ARHGAP42: variants seen among roughly 807,000 people sequenced by gnomAD.
ARHGAP42 encodes the protein rho GTPase-activating protein 42.
A neutral mutation model predicts 125.0 loss-of-function variants in ARHGAP42; 63 were observed. That is an observed-to-expected ratio of 0.50 (90% confidence interval 0.41 to 0.62). ARHGAP42 has a LOEUF of 0.62. Ranked by LOEUF, ARHGAP42 falls within the 20% of genes least tolerant of loss-of-function variation. The pLI, the probability that ARHGAP42 is intolerant of heterozygous loss-of-function variation, is 0.00. For synonymous variants in ARHGAP42, 339 were observed against 351.0 expected (o/e 0.97, Z 0.38); for missense variants, 766 against 1,024.2 (o/e 0.75, Z 3.44).
intron 4 of ARHGAP42, among the ~76,000 whole-genome samples, chr11:100,864,187 A>ATTT (rs77883167): frequency 1.4e-5 from 2 of 141,166 alleles, no homozygotes; most frequent in East Asian, 2.1e-4. Context: ...ATGTCTGAGG[A>ATTT]TTTTTTTTTT....
At chr11:100,858,945 G>C (rs897477585) in intron 3 of ARHGAP42, among the ~76,000 whole-genome samples, 2 of 152,012 alleles carry the variant, frequency 1.3e-5, no homozygotes, top group African/African-American at 4.8e-5. Context: ...AATATTAAAA[G>C]ATTTATTTGT....
intron 1 of ARHGAP42, among the ~76,000 whole-genome samples, chr11:100,754,603 C>T (rs934244623): frequency 6.6e-6 from 1 of 152,114 alleles, no homozygotes; most frequent in Admixed American, 6.5e-5. Context: ...AAGTAGAAAA[C>T]ATTAATTTCT....
intron 4 of ARHGAP42, among the ~76,000 whole-genome samples, chr11:100,908,268 T>G (rs1157884077): frequency 2.0e-5 from 3 of 152,222 alleles, no homozygotes; most frequent in Non-Finnish European, 4.4e-5. Context: ...CTTTGGTACT[T>G]GCTTGTCATC....
intron 15 of ARHGAP42, among the ~76,000 whole-genome samples, chr11:100,962,179 A>G (rs1485265499): frequency 6.6e-6 from 1 of 152,112 alleles, no homozygotes; most frequent in Non-Finnish European, 1.5e-5. Context: ...ACAGTCATGG[A>G]AAGAAGTACA....
chr11:100,911,393 T>TAA lies in ARHGAP42; in HGVS notation c.385-2058_385-2057dup, dbSNP rs140327667. Among the ~76,000 whole-genome samples, 1,254 of 152,258 alleles carry TAA rather than the reference T, an allele frequency of 8.2e-3. 13 individuals are homozygous for TAA. The highest frequency in any genetic ancestry group is 0.029 in the African/African-American group (1,199 of 41,542). On this transcript the variant is annotated intron_variant, in intron 4 of 23. Coordinates refer to ENST00000298815, the MANE Select transcript of ARHGAP42 (RefSeq NM_152432.4). Reference sequence around the variant, plus strand: ...GAACCCTAGTAGAGACCCATATATATAACTATATGAGCATTCAAAAAGGAG... The same window carrying TAA: ...GAACCCTAGTAGAGACCCATATATATAAAACTATATGAGCATTCAAAAAGGAG...
chr11:100,975,147 A>T (rs1407165132), intron 19 of ARHGAP42, among the ~76,000 whole-genome samples: 1 of 152,022 alleles, frequency 6.6e-6, no homozygotes, highest in Admixed American at 6.6e-5. Flanking sequence ...CCCCACCCCA[A>T]TTTTTTGCTC....
chr11:100,959,170 T>C (rs1195691934), intron 12 of ARHGAP42, among the ~76,000 whole-genome samples: 1 of 152,056 alleles, frequency 6.6e-6, no homozygotes, highest in Non-Finnish European at 1.5e-5. Flanking sequence ...ATAAATGCTT[T>C]CTCTTTAAAT....
chr11:100,829,351 C>A (rs1299865547), intron 3 of ARHGAP42, among the ~76,000 whole-genome samples: 4 of 149,538 alleles, frequency 2.7e-5, no homozygotes, highest in African/African-American at 5.0e-5. Flanking sequence ...GAGAGCAAGA[C>A]CCTGTCTTCA....
At chr11:100,728,883 C>G (rs1452187683) in intron 1 of ARHGAP42, among the ~76,000 whole-genome samples, 1 of 151,870 alleles carries the variant, frequency 6.6e-6, no homozygotes, top group East Asian at 1.9e-4. Context: ...GTTCTTCTGT[C>G]TCAGCTTCCT....
chr11:100,972,175 T>G (rs1031604567), intron 17 of ARHGAP42, among the ~76,000 whole-genome samples: 9 of 152,172 alleles, frequency 5.9e-5, no homozygotes, highest in Non-Finnish European at 1.2e-4. Flanking sequence ...AATCTTACTT[T>G]TGGTTGTAGA....
At chr11:100,721,923 G>T (rs549206796) in intron 1 of ARHGAP42, among the ~76,000 whole-genome samples, 1 of 152,326 alleles carries the variant, frequency 6.6e-6, no homozygotes, top group East Asian at 1.9e-4. Context: ...AGCAGATTTT[G>T]TTTGGACATA....
chr11:100,871,262 C>G (rs933106383), intron 4 of ARHGAP42, among the ~76,000 whole-genome samples: 13 of 152,018 alleles, frequency 8.6e-5, no homozygotes, highest in African/African-American at 3.1e-4. Flanking sequence ...TTAACTAAAA[C>G]CAGCCAGGCA....
intron 2 of ARHGAP42, among the ~76,000 whole-genome samples, chr11:100,774,728 T>A (rs1170360118): frequency 7.3e-6 from 1 of 137,470 alleles, no homozygotes; most frequent in Non-Finnish European, 1.6e-5. Context: ...GAGAAGGTGG[T>A]GTTATTCTAT....
intron 1 of ARHGAP42, among the ~76,000 whole-genome samples, chr11:100,726,244 A>G (rs1418132506): frequency 1.3e-5 from 2 of 152,220 alleles, no homozygotes; most frequent in Non-Finnish European, 2.9e-5. Context: ...TTCAGAAAGT[A>G]ATCCCCAAGT....
intron 4 of ARHGAP42, among the ~76,000 whole-genome samples, chr11:100,895,215 T>TA (rs1453861246): frequency 6.6e-6 from 1 of 152,114 alleles, no homozygotes; most frequent in Admixed American, 6.5e-5. Flanking sequence ...CAGAATTGGC[T>TA]AAACATCATT....
chr11:100,859,624 A>G lies in ARHGAP42; in HGVS notation c.383A>G (p.Lys128Arg). Reference protein sequence around the residue: ...KFRKEQIGAAKDGKKKFDKES... With the variant: ...KFRKEQIGAARDGKKKFDKES... ...CGAAAAGAACAGATAGGTGCAGCAA[A>G]AGTAAGTGTTACATTTTATTATTCT... is the stretch of plus-strand genomic sequence containing the variant. The change falls in exon 4 of 24, where the codon AAA (lysine) becomes AGA (arginine). Residue 128 changes from lysine to arginine, a missense_variant and splice_region_variant. This residue lies in a region of ARHGAP42 where 455 missense variants were observed against 636.5 expected (regional missense o/e 0.71). Coordinates refer to ENST00000298815, the MANE Select transcript of ARHGAP42 (RefSeq NM_152432.4). 6.7e-7 allele frequency: 1 copy of G among 1,485,608 alleles called. No individual in the cohort carries two copies. The highest frequency in any genetic ancestry group is 9.0e-7 in the Non-Finnish European group (1 of 1,116,330). The allele number at this position is 1,485,608 out of a possible 1,614,324, so 92.0% of individuals were successfully genotyped here.
At chr11:100,789,527 C>T (rs1863516483) in intron 2 of ARHGAP42, among the ~76,000 whole-genome samples, 2 of 152,120 alleles carry the variant, frequency 1.3e-5, no homozygotes, top group Non-Finnish European at 2.9e-5. Context: ...TGCAGTCAAG[C>T]CATGGGCATG....
intron 1 of ARHGAP42, among the ~76,000 whole-genome samples, chr11:100,723,879 T>A (rs959115808): frequency 4.6e-5 from 7 of 152,316 alleles, no homozygotes; most frequent in African/African-American, 1.4e-4. Flanking sequence ...AATATGACAT[T>A]AGCTGTAGGT....
intron 3 of ARHGAP42, among the ~76,000 whole-genome samples, chr11:100,842,822 C>T (rs577869223): frequency 3.5e-4 from 53 of 151,934 alleles, no homozygotes; most frequent in African/African-American, 1.1e-3. Flanking sequence ...GCAAAGACGG[C>T]GCTAAGAGGA....
Sources: allele counts gnomAD v4.1 joint callset (sites outside exome capture counted in the v4.1 genomes callset), GRCh38; gene constraint gnomAD v4.1.1; regional missense constraint gnomAD v4.1.1; transcripts MANE v1.5; gene names NCBI Gene and HGNC (gene_info 2026-07-23, HGNC 2026-07-21).